The following KLHL13 variants were observed in gnomAD, a reference collection of about 807,000 sequenced individuals.
The protein encoded by KLHL13 is kelch-like protein 13.
Under a neutral mutation model 37.1 loss-of-function variants are expected in KLHL13, and 10 were observed. That is an observed-to-expected ratio of 0.27 (90% CI 0.17 to 0.46). The LOEUF (loss-of-function observed/expected upper bound fraction) is 0.46, where lower values mean the gene tolerates loss of function less well. Among genes scored for constraint, KLHL13 ranks in the 20% least tolerant of loss-of-function variants. The pLI is 1.00. For synonymous variants in KLHL13, 163 were observed against 181.2 expected, an observed-to-expected ratio of 0.90 and a Z score of 0.81; for missense variants, 360 against 509.3, an observed-to-expected ratio of 0.71 and a Z score of 2.82.
At chrX:118,114,388 A>G (rs2055444881) in intron 1 of KLHL13, among the ~76,000 whole-genome samples, 1 of 112,432 alleles carries the variant, frequency 8.9e-6, no homozygotes, top group Non-Finnish European at 1.9e-5. Context: ...GAAGATTCAG[A>G]GCAAAATGCT....
intron 1 of KLHL13, among the ~76,000 whole-genome samples, chrX:118,032,078 C>A (rs755493403): frequency 9.0e-6 from 1 of 111,561 alleles, no homozygotes; most frequent in Non-Finnish European, 1.9e-5. Flanking sequence ...CAGCACCTGG[C>A]TCAGAGGGTC....
chrX:118,024,082 T>A (rs2054249352), intron 1 of KLHL13, among the ~76,000 whole-genome samples: 1 of 112,290 alleles, frequency 8.9e-6, no homozygotes, highest in Admixed American at 9.5e-5. Context: ...TGTTATAAAC[T>A]AGGGTCCATA....
At chrX:118,107,887 A>G (rs1309667484) in intron 1 of KLHL13, among the ~76,000 whole-genome samples, 1 of 111,486 alleles carries the variant, frequency 9.0e-6, no homozygotes, top group African/African-American at 3.3e-5. Context: ...CCCTGTCTCT[A>G]CAAAAAATAC....
intron 1 of KLHL13, among the ~76,000 whole-genome samples, chrX:117,952,313 C>G (rs1299502006): frequency 9.0e-6 from 1 of 111,197 alleles, no homozygotes; most frequent in Non-Finnish European, 1.9e-5. Context: ...AAAGGATTCC[C>G]TATTTAATAA....
intron 1 of KLHL13, among the ~76,000 whole-genome samples, chrX:117,991,846 A>ACTCTCTCTCTCTCT (rs56373597): frequency 3.1e-5 from 2 of 63,511 alleles, no homozygotes; most frequent in Non-Finnish European, 6.1e-5. Flanking sequence ...CTACAGTGAA[A>ACTCTCTCTCTCTCT]CTCTCTCTCT....
At chrX:118,015,871 AT>A (rs762633864) in intron 1 of KLHL13, among the ~76,000 whole-genome samples, 1 of 111,355 alleles carries the variant, frequency 9.0e-6, no homozygotes, top group Non-Finnish European at 1.9e-5. Flanking sequence ...CCCTCTTATT[AT>A]TTTTATTGGC....
At chrX:117,965,636 G>A (rs1352316777) in intron 1 of KLHL13, among the ~76,000 whole-genome samples, 1 of 111,101 alleles carries the variant, frequency 9.0e-6, no homozygotes, top group Admixed American at 9.6e-5. Context: ...CCTGATGAAC[G>A]TCAATGCAAA....
intron 1 of KLHL13, among the ~76,000 whole-genome samples, chrX:117,997,220 T>C (rs1399744022): frequency 9.3e-6 from 1 of 107,938 alleles, no homozygotes; most frequent in Admixed American, 9.8e-5. Flanking sequence ...CCTAGAAGCC[T>C]ACTGACACAC....
chrX:118,097,668 G>GA (rs1214420900), intron 1 of KLHL13, among the ~76,000 whole-genome samples: 15 of 111,541 alleles, frequency 1.3e-4, no homozygotes, highest in Admixed American at 1.9e-4. Context: ...CACACTACCT[G>GA]CTTCAAACTA....
chrX:117,976,412 A>G, upstream of KLHL13, among the ~76,000 whole-genome samples: 1 of 112,200 alleles, frequency 8.9e-6, no homozygotes. Flanking sequence ...AGGTAAAATC[A>G]TCCTAATTAC....
At chrX:117,982,070 T>C (rs958070901) in intron 1 of KLHL13, among the ~76,000 whole-genome samples, 2 of 109,990 alleles carry the variant, frequency 1.8e-5, no homozygotes, top group African/African-American at 3.3e-5. Flanking sequence ...CAATAACTTA[T>C]GACTTTGCTA....
chrX:118,082,635 T>C (rs2055009083), intron 1 of KLHL13, among the ~76,000 whole-genome samples: 1 of 111,721 alleles, frequency 9.0e-6, no homozygotes, highest in African/African-American at 3.2e-5. Flanking sequence ...TTTTTGCTTA[T>C]GTTGTCTATG....
intron 1 of KLHL13, among the ~76,000 whole-genome samples, chrX:118,064,171 G>A (rs2054771637): frequency 9.0e-6 from 1 of 111,586 alleles, no homozygotes; most frequent in African/African-American, 3.2e-5. Flanking sequence ...ATTACATAAA[G>A]CATTTATGTT....
intron 1 of KLHL13, among the ~76,000 whole-genome samples, chrX:118,093,947 C>G (rs768978857): frequency 9.2e-6 from 1 of 108,961 alleles, no homozygotes; most frequent in African/African-American, 3.3e-5. Flanking sequence ...CCAACGTGAG[C>G]GACACAGAAG....
chrX:118,104,094 C>T (rs1041991484), intron 1 of KLHL13, among the ~76,000 whole-genome samples: 2 of 103,738 alleles, frequency 1.9e-5, no homozygotes, highest in Admixed American at 1.1e-4. Flanking sequence ...TGGTGATGTG[C>T]GCCTGTGTTC....
chrX:118,096,744 T>G (rs1280600449), intron 1 of KLHL13, among the ~76,000 whole-genome samples: 2 of 111,744 alleles, frequency 1.8e-5, no homozygotes, highest in Non-Finnish European at 3.8e-5. Context: ...TCAAGTGGGC[T>G]TCATCCCTGG....
chrX:118,033,658 G>C (rs1209907875), intron 1 of KLHL13, among the ~76,000 whole-genome samples: 3 of 108,735 alleles, frequency 2.8e-5, no homozygotes, highest in African/African-American at 6.7e-5. Flanking sequence ...AAAGACCATC[G>C]AGACTAGGAA....
upstream of KLHL13, among the ~76,000 whole-genome samples, chrX:117,976,598 T>C (rs903737484): frequency 1.8e-5 from 2 of 112,085 alleles, no homozygotes; most frequent in South Asian, 3.7e-4. Flanking sequence ...AGGCTCAGTG[T>C]CCCACTACTT....
chrX:117,928,695 A>G (rs1268976042), intron 2 of KLHL13, among the ~76,000 whole-genome samples: 1 of 111,541 alleles, frequency 9.0e-6, no homozygotes, highest in Non-Finnish European at 1.9e-5. Flanking sequence ...ATGAAGCTCT[A>G]CTTAGGGGAA....
Sources: allele counts gnomAD v4.1 joint callset (sites outside exome capture counted in the v4.1 genomes callset), GRCh38; gene constraint gnomAD v4.1.1; transcripts MANE v1.5; gene names NCBI Gene and HGNC (gene_info 2026-07-23, HGNC 2026-07-21).